The following KDM5A variants were observed in gnomAD, a reference collection of about 807,000 sequenced individuals.
KDM5A encodes the protein lysine demethylase 5A, also known as lysine-specific demethylase 5A.
A neutral mutation model predicts 193.5 loss-of-function variants in KDM5A; 42 were observed. The observed-to-expected ratio is 0.22, with a 90% CI of 0.17 to 0.28. The LOEUF is 0.28. Among genes scored for constraint, KDM5A ranks in the 10% least tolerant of loss-of-function variants. KDM5A has a pLI of 1.00. For synonymous variants in KDM5A, 796 were observed against 718.1 expected (o/e 1.11, Z -1.73); for missense variants, 1,692 against 2,055.1 (o/e 0.82, Z 3.42).
At chr12:303,196 T>C (rs547134738) in intron 24 of KDM5A, among the ~76,000 whole-genome samples, 3 of 152,336 alleles carry the variant, frequency 2.0e-5, no homozygotes, top group South Asian at 4.1e-4. Context: ...ATCATTCTAC[T>C]ATAGACACAT....
rs374573121 is a variant in KDM5A at position 283,784 on chromosome 12, G to A, written c.*1672C>T. The A allele has an allele frequency of 2.6e-5, 6 of 231,606 alleles. No homozygotes were observed. Among genetic ancestry groups the A allele is most frequent in the East Asian group, 6.1e-5 (1 of 16,436 alleles). The allele number at this position is 231,606 out of a possible 1,614,324, so 14.3% of individuals were successfully genotyped here. A position where few individuals can be genotyped will look rare whatever the true frequency, so the allele number is the denominator to read the frequency against. ...TAAACCAAAATAAAGACACCAGACA[G>A]TGATGACAAAACACTATTTTTAGTC... is the stretch of plus-strand genomic sequence containing the variant. On this transcript the variant is annotated 3_prime_UTR_variant, in exon 28 of 28. Coordinates refer to ENST00000399788, the MANE Select transcript of KDM5A (RefSeq NM_001042603.3).
intron 19 of KDM5A, among the ~76,000 whole-genome samples, chr12:315,829 A>G (rs1312487957): frequency 6.6e-6 from 1 of 152,234 alleles, no homozygotes; most frequent in Non-Finnish European, 1.5e-5. Context: ...AATGAGTCCA[A>G]TTTTGGATAC....
intron 16 of KDM5A, 54 bp downstream of exon 16, chr12:323,028 T>A (rs1457014689): frequency 6.2e-7 from 1 of 1,608,988 alleles, no homozygotes; most frequent in East Asian, 2.2e-5. Context: ...AAACAAAGCC[T>A]CTTTTAAAGT....
chr12:334,292 A>G lies in KDM5A; in HGVS notation c.1439T>C (p.Phe480Ser). ...WLYVGMCFSS[F>S]CWHIEDHWSY... Reference sequence around the variant, plus strand: ...CCAGTGATCCTCAATGTGCCAGCAAAAAGAAGAGAAGCACATTCCCACATA... The same window carrying G: ...CCAGTGATCCTCAATGTGCCAGCAAGAAGAAGAGAAGCACATTCCCACATA... The change falls in exon 11 of 28, where the codon TTT (phenylalanine) becomes TCT (serine). Residue 480 changes from phenylalanine (F) to serine (S), a missense_variant. Physicochemically the swap from Phe to Ser is radical, Grantham distance 155. Around this residue, in one of 11 missense-constraint regions of KDM5A, gnomAD observed 172 missense variants for 260.3 expected, o/e 0.66. Coordinates refer to ENST00000399788, the MANE Select transcript of KDM5A (RefSeq NM_001042603.3). 6.2e-7 allele frequency: 1 copy of G among 1,614,172 alleles called. No individual in the cohort carries two copies. The highest frequency in any genetic ancestry group is 8.5e-7 in the Non-Finnish European group (1 of 1,180,006).
chr12:389,072 C>G lies in KDM5A; in HGVS notation c.20G>C (p.Gly7Ala), dbSNP rs1944690666. The G allele has an allele frequency of 6.2e-7, 1 of 1,610,774 alleles. No individual in the cohort carries two copies. Among genetic ancestry groups the G allele is most frequent in the Non-Finnish European group, 8.5e-7 (1 of 1,179,150 alleles). The change falls in exon 1 of 28, where the codon GGG becomes GCG. Residue 7 changes from glycine (G) to alanine (A), a missense_variant. Transcript: ENST00000399788. MAGVGP[G>A]GYAAEFVPPP... ...TGGCACGAACTCCGCCGCGTAGCCC[C>G]CCGGCCCCACGCCCGCCATTGCAAC...
chr12:293,041 C>T lies in KDM5A; in HGVS notation c.4584G>A (p.Lys1528=). The T allele has an allele frequency of 6.3e-7, 1 of 1,586,068 alleles. No homozygotes were observed. Reference sequence around the variant, plus strand: ...TCTTCTTTCTAGGTTTGTCCATTTTCTTTAACTCCTTGGACTTCTGTTTTC... The same window carrying T: ...TCTTCTTTCTAGGTTTGTCCATTTTTTTTAACTCCTTGGACTTCTGTTTTC... ...GEGKQKSKEL[K]KMDKPRKKKL... is the part of the protein sequence containing the mutation. Residue 1528 remains lysine (K), a synonymous_variant, in exon 27 of 28, where the codon AAG becomes AAA. Coordinates refer to ENST00000399788, the MANE Select transcript of KDM5A (RefSeq NM_001042603.3).
intron 27 of KDM5A, among the ~76,000 whole-genome samples, chr12:289,182 G>A (rs1943257089): frequency 6.6e-6 from 1 of 151,992 alleles, no homozygotes; most frequent in Non-Finnish European, 1.5e-5. Context: ...AAAAAGTGAA[G>A]AGAAAAAGAC....
At chr12:333,262 T>C in intron 12 of KDM5A, 1 of 558,502 alleles carries the variant, frequency 1.8e-6, no homozygotes. Context: ...CTACAAAAAA[T>C]ACAACAATTA....
chr12:292,673 C>T (rs1162648144), intron 27 of KDM5A, 86 bp downstream of exon 27: 3 of 1,552,498 alleles, frequency 1.9e-6, no homozygotes, highest in Non-Finnish European at 2.7e-6. Flanking sequence ...GAACCAAAAA[C>T]ATACTACACA....
intron 18 of KDM5A, among the ~76,000 whole-genome samples, chr12:318,997 G>A (rs1391555096): frequency 1.3e-5 from 2 of 152,204 alleles, no homozygotes; most frequent in African/African-American, 2.4e-5. Context: ...GGTTCGGGCA[G>A]GGCAAATAAT....
chr12:362,379 T>C (rs1302107805), intron 5 of KDM5A, among the ~76,000 whole-genome samples: 1 of 151,580 alleles, frequency 6.6e-6, no homozygotes, highest in Admixed American at 6.6e-5. Context: ...TTTCTTCTGA[T>C]GTATTAGGCT....
chr12:382,637 CAT>C (rs1944588189), intron 3 of KDM5A, among the ~76,000 whole-genome samples: 1 of 151,694 alleles, frequency 6.6e-6, no homozygotes, highest in South Asian at 2.1e-4. Context: ...AGTAACAAAA[CAT>C]ATTTTAGCCG....
intron 2 of KDM5A, among the ~76,000 whole-genome samples, chr12:384,881 A>G (rs999441560): frequency 7.9e-5 from 12 of 152,220 alleles, no homozygotes; most frequent in Non-Finnish European, 1.5e-5. Flanking sequence ...TAATTACAAG[A>G]GACTAAAAAG....
chr12:309,678 G>A (rs1292896587), intron 22 of KDM5A, 125 bp downstream of exon 22: 5 of 969,426 alleles, frequency 5.2e-6, no homozygotes, highest in Non-Finnish European at 8.0e-6. Context: ...TGTGAAATAT[G>A]TATAATCATA....
intron 9 of KDM5A, among the ~76,000 whole-genome samples, chr12:351,977 G>A (rs1289563570): frequency 6.6e-5 from 10 of 151,750 alleles, no homozygotes; most frequent in African/African-American, 2.4e-4. Context: ...GGTGGCAGGC[G>A]CCTGCAGTCC....
intron 3 of KDM5A, among the ~76,000 whole-genome samples, chr12:366,826 T>C (rs1432382409): frequency 6.6e-6 from 1 of 152,242 alleles, no homozygotes; most frequent in Non-Finnish European, 1.5e-5. Context: ...GGCTCTAAAA[T>C]ACAGTCATGC....
intron 10 of KDM5A, among the ~76,000 whole-genome samples, chr12:340,619 C>CGGGAG (rs1349210431): frequency 7.4e-6 from 1 of 135,812 alleles, no homozygotes; most frequent in Non-Finnish European, 1.5e-5. Context: ...CACTTGAACC[C>CGGGAG]GGGAGGCAGA....
At chr12:352,563 G>A (rs1944177072) in intron 8 of KDM5A, among the ~76,000 whole-genome samples, 1 of 152,204 alleles carries the variant, frequency 6.6e-6, no homozygotes, top group South Asian at 2.1e-4. Context: ...TTTAGATCCA[G>A]AGGTAGCATT....
At chr12:336,832 C>T (rs1392762249) in intron 10 of KDM5A, among the ~76,000 whole-genome samples, 1 of 126,102 alleles carries the variant, frequency 7.9e-6, no homozygotes, top group Non-Finnish European at 1.6e-5. Flanking sequence ...GAGACTCCAT[C>T]TCAAAAAAAA....
Sources: allele counts gnomAD v4.1 joint callset (sites outside exome capture counted in the v4.1 genomes callset), GRCh38; gene constraint gnomAD v4.1.1; regional missense constraint gnomAD v4.1.1; transcripts MANE v1.5; gene names NCBI Gene and HGNC (gene_info 2026-07-23, HGNC 2026-07-21).